P2RX3: variants seen among roughly 807,000 people sequenced by gnomAD.
P2RX3 encodes the protein purinergic receptor P2X 3.
In P2RX3, 41 loss-of-function variants were observed where a neutral mutation model predicts 51.5. The ratio of observed to expected loss-of-function variants is 0.80; its 90% CI spans 0.62 to 1.03. The LOEUF is 1.03. Ranked by LOEUF, P2RX3 falls within the 50% of genes least tolerant of loss-of-function variation. The pLI is 0.00. For missense variants in P2RX3, 459 were observed against 522.1 expected (o/e 0.88, Z 1.18); for synonymous variants, 185 against 191.6 (o/e 0.97, Z 0.29).
At chr11:57,362,373 A>T (rs1370347835) in intron 8 of P2RX3, among the ~76,000 whole-genome samples, 2 of 152,294 alleles carry the variant, frequency 1.3e-5, no homozygotes, top group Non-Finnish European at 1.5e-5. Context: ...CCAAAAAAAT[A>T]AAAATGATCT....
intron 8 of P2RX3, among the ~76,000 whole-genome samples, chr11:57,364,315 C>A (rs1856765314): frequency 6.6e-6 from 1 of 152,158 alleles, no homozygotes; most frequent in African/African-American, 2.4e-5. Context: ...TCCTTAACAG[C>A]CTCCAAGAGC....
In P2RX3 at chr11:57,347,343, G is replaced by T. The variant is rs537230261; in HGVS notation, c.328-72G>T. 5.6e-4 allele frequency: 847 copies of T among 1,522,464 alleles called. 1 individual carries two copies. Among genetic ancestry groups the T allele is most frequent in the Middle Eastern group, 1.5e-3 (9 of 5,832 alleles). 94.3% of individuals were successfully genotyped at this position (1,522,464 alleles called of 1,614,324 possible). A position where few individuals can be genotyped will look rare whatever the true frequency, so the allele number is the denominator to read the frequency against. On this transcript the variant is annotated intron_variant, in intron 3 of 11. Coordinates refer to ENST00000263314, the MANE Select transcript of P2RX3 (RefSeq NM_002559.5). ...CTCCTGAGGCTGTTGGTTATGGGGA[G>T]GTCGAGGGAGTCGCGGAGCTCACCA... is the stretch of plus-strand genomic sequence containing the variant.
At chr11:57,356,526 C>G (rs180943374) in intron 8 of P2RX3, among the ~76,000 whole-genome samples, 93 of 152,296 alleles carry the variant, frequency 6.1e-4, no homozygotes, top group African/African-American at 2.2e-3. Context: ...TTCTAGTGAT[C>G]GTTTTATGTT....
upstream of P2RX3, among the ~76,000 whole-genome samples, chr11:57,336,108 G>A: frequency 6.6e-6 from 1 of 152,144 alleles, no homozygotes; most frequent in Admixed American, 6.5e-5. Context: ...TAGTTTTATT[G>A]TATCAGACTT....
At chr11:57,349,982 G>A (rs1379821380) in intron 7 of P2RX3, 84 bp downstream of exon 7, 6 of 1,558,972 alleles carry the variant, frequency 3.8e-6, no homozygotes, top group Non-Finnish European at 5.2e-6. Context: ...GGCCGGCACT[G>A]GCCAGGAGCC....
chr11:57,337,289 C>CAA (rs36169095), upstream of P2RX3, among the ~76,000 whole-genome samples: 867 of 26,720 alleles, frequency 0.032, 13 homozygotes, highest in African/African-American at 0.057. Context: ...GAGACTCTGT[C>CAA]AAAAAAAAAA....
At chr11:57,366,065 C>T (rs1856792951) in intron 8 of P2RX3, among the ~76,000 whole-genome samples, 1 of 152,134 alleles carries the variant, frequency 6.6e-6, no homozygotes, top group Non-Finnish European at 1.5e-5. Context: ...TTTTCTGGGC[C>T]CTTTCACTCC....
intron 1 of P2RX3, among the ~76,000 whole-genome samples, chr11:57,344,997 C>T (rs994328158): frequency 1.3e-5 from 2 of 152,204 alleles, no homozygotes; most frequent in South Asian, 2.1e-4. Flanking sequence ...GAAGGGGCCT[C>T]CTCTCAGCAC....
At position 57,348,185 on chromosome 11, in the gene P2RX3, G is replaced by A. The variant is rs778903423; in HGVS notation, c.407G>A (p.Arg136His). Reference sequence around the variant, plus strand: ...CTCACTTTAGGGATCCTCACTGGCCGCTGCGTGAACTACAGCTCTGTGCTC... The same window carrying A: ...CTCACTTTAGGGATCCTCACTGGCCACTGCGTGAACTACAGCTCTGTGCTC... ...RLPGGGILTG[R>H]CVNYSSVLRT... The change falls in exon 5 of 12, where the codon CGC becomes CAC. Residue 136 changes from arginine (R) to histidine (H), a missense_variant. Physicochemically the swap from Arg to His is conservative, Grantham distance 29 (BLOSUM62 0). Coordinates refer to ENST00000263314, the MANE Select transcript of P2RX3 (RefSeq NM_002559.5). 15 of 1,590,254 alleles carry A rather than the reference G, an allele frequency of 9.4e-6. No homozygotes were observed. The highest frequency in any genetic ancestry group is 7.1e-5 in the Admixed American group (4 of 56,194).
intron 8 of P2RX3, among the ~76,000 whole-genome samples, chr11:57,353,720 G>A (rs1590631641): frequency 6.6e-6 from 1 of 152,178 alleles, no homozygotes; most frequent in East Asian, 1.9e-4. Context: ...TGGAGGGAAT[G>A]GAATTATTCA....
intron 7 of P2RX3, 57 bp downstream of exon 7, chr11:57,349,955 A>C: frequency 6.2e-7 from 1 of 1,605,680 alleles, no homozygotes. Flanking sequence ...GCCCTTTCCC[A>C]GATTTCAGGG....
chr11:57,369,271 G>T lies in P2RX3; in HGVS notation c.1003-90G>T, dbSNP rs960096150. The stretch of plus-strand genomic sequence containing the variant: ...CCTGCCCACTGTTTAGGCAGCTTGG[G>T]GGTGCTGCCCGAGCCCAGCACTTCC... On this transcript the variant is annotated intron_variant, in intron 10 of 11. Transcript: ENST00000263314. 7 of 1,090,634 alleles carry T rather than the reference G, an allele frequency of 6.4e-6. No homozygotes were observed. In the African/African-American group the frequency reaches 1.1e-4, roughly 17 times the overall value. 67.6% of individuals were successfully genotyped at this position (1,090,634 alleles called of 1,614,324 possible).
At chr11:57,368,558 C>T in intron 10 of P2RX3, 121 bp downstream of exon 10, 1 of 1,100,686 alleles carries the variant, frequency 9.1e-7, no homozygotes, top group Middle Eastern at 2.3e-4. Flanking sequence ...AACCCCTACC[C>T]CCACTTGCTA....
chr11:57,339,320 A>G (rs925580410), intron 1 of P2RX3, among the ~76,000 whole-genome samples: 1 of 152,168 alleles, frequency 6.6e-6, no homozygotes, highest in Admixed American at 6.5e-5. Context: ...CCAAGGGAAG[A>G]GTGGCCAAGG....
chr11:57,370,218 C>A lies in P2RX3; in HGVS notation c.*221C>A. The A allele has an allele frequency of 1.8e-6, 1 of 543,352 alleles. No homozygotes were observed. The highest frequency in any genetic ancestry group is 3.2e-5 in the Admixed American group (1 of 31,300). The allele number at this position is 543,352 out of a possible 1,614,324, so 33.7% of individuals were successfully genotyped here. Reference sequence around the variant, plus strand: ...ACCTTCACTCCTTGCCTGGCCCCATCTGCTTCCTAGGACCCCTGGGGCAGG... The same window carrying A: ...ACCTTCACTCCTTGCCTGGCCCCATATGCTTCCTAGGACCCCTGGGGCAGG... On this transcript the variant is annotated 3_prime_UTR_variant, in exon 12 of 12. Coordinates refer to ENST00000263314, the MANE Select transcript of P2RX3 (RefSeq NM_002559.5).
At chr11:57,353,843 C>A (rs1387323919) in intron 8 of P2RX3, among the ~76,000 whole-genome samples, 3 of 133,606 alleles carry the variant, frequency 2.2e-5, no homozygotes, top group African/African-American at 6.0e-5. Context: ...TCACTCCCCC[C>A]CCCCCGCCCC....
At chr11:57,352,928 G>T (rs1292936018) in intron 8 of P2RX3, among the ~76,000 whole-genome samples, 1 of 152,130 alleles carries the variant, frequency 6.6e-6, no homozygotes, top group Non-Finnish European at 1.5e-5. Flanking sequence ...TGCTTAGTTT[G>T]ACCCTTGTGA....
rs1856827954 is a variant in P2RX3 at position 57,368,301 on chromosome 11, A to T, written c.937-71A>T. On this transcript the variant is annotated intron_variant, in intron 9 of 11. Coordinates refer to ENST00000263314, the MANE Select transcript of P2RX3 (RefSeq NM_002559.5). ...ATCCACCAAGAACCCTTCTGGCGCC[A>T]CGTGCAGCCTCGGGCCTCACCCCCA... 3.2e-6 allele frequency: 5 copies of T among 1,542,668 alleles called. No individual in the cohort carries two copies. The Admixed American group carries it at 8.4e-5, about 26-fold the overall frequency.
chr11:57,348,258 G>A lies in P2RX3; in HGVS notation c.480G>A (p.Val160=), dbSNP rs756250809. 3 of 1,600,008 alleles carry A rather than the reference G, an allele frequency of 1.9e-6. No homozygotes were observed. Among genetic ancestry groups the A allele is most frequent in the Admixed American group, 1.7e-5 (1 of 57,790 alleles). Reference sequence around the variant, plus strand: ...GGTGCCCCACGGAGGTGGACACAGTGGAAACGTAAGGCTCCAAGCCAGACA... The same window carrying A: ...GGTGCCCCACGGAGGTGGACACAGTAGAAACGTAAGGCTCCAAGCCAGACA... ...QGWCPTEVDT[V]ETPIMMEAEN... The change falls in exon 5 of 12, where the codon GTG becomes GTA. Residue 160 remains valine (V), a synonymous_variant. Coordinates refer to ENST00000263314, the MANE Select transcript of P2RX3 (RefSeq NM_002559.5).
Sources: gnomAD v4.1 joint callset for allele counts (sites outside exome capture counted in the v4.1 genomes callset) on GRCh38, gnomAD v4.1.1 for gene constraint, MANE v1.5 for transcripts, NCBI Gene and HGNC (gene_info 2026-07-23, HGNC 2026-07-21) for gene names.